Variants in RIMS2 observed in about 807,000 individuals in gnomAD.
The protein encoded by RIMS2 is regulating synaptic membrane exocytosis 2.
A neutral mutation model predicts 174.4 loss-of-function variants in RIMS2; 59 were observed. The ratio of observed to expected loss-of-function variants is 0.34; its 90% CI spans 0.27 to 0.42. The LOEUF is 0.42. Among genes scored for constraint, RIMS2 ranks in the 10% least tolerant of loss-of-function variants. RIMS2 has a pLI of 1.00. For missense variants in RIMS2, 1,620 were observed against 1,666.3 expected, an observed-to-expected ratio of 0.97 and a Z score of 0.48; for synonymous variants, 606 against 572.5, an observed-to-expected ratio of 1.06 and a Z score of -0.84.
At chr8:104,029,253 C>G (rs988967385) in intron 19 of RIMS2, among the ~76,000 whole-genome samples, 10 of 152,152 alleles carry the variant, frequency 6.6e-5, no homozygotes, top group African/African-American at 2.4e-4. Context: ...GTTTTATTAG[C>G]AAGGTCTTCA....
chr8:104,100,997 G>C, intron 19 of RIMS2, among the ~76,000 whole-genome samples: 1 of 126,568 alleles, frequency 7.9e-6, no homozygotes, highest in East Asian at 2.2e-4. Context: ...TATAGTATAT[G>C]TTATATATGA....
chr8:103,788,817 C>G (rs1041695597), intron 3 of RIMS2, among the ~76,000 whole-genome samples: 31 of 152,248 alleles, frequency 2.0e-4, no homozygotes, highest in Non-Finnish European at 4.0e-4. Context: ...AGCTTGCTGG[C>G]TGCTTTGTTT....
intron 14 of RIMS2, among the ~76,000 whole-genome samples, chr8:103,956,663 C>T (rs910973580): frequency 3.9e-5 from 6 of 151,966 alleles, no homozygotes; most frequent in African/African-American, 1.4e-4. Flanking sequence ...ATAAAACCTA[C>T]ACAATACCAT....
intron 19 of RIMS2, among the ~76,000 whole-genome samples, chr8:104,211,140 G>A (rs1338629906): frequency 1.3e-5 from 2 of 152,182 alleles, no homozygotes; most frequent in Non-Finnish European, 2.9e-5. Flanking sequence ...TGGGGAGAAA[G>A]TGTGCAGCAG....
chr8:103,524,239 AGAG>A (rs2130625390), intron 1 of RIMS2, among the ~76,000 whole-genome samples: 1 of 144,492 alleles, frequency 6.9e-6, no homozygotes, highest in Admixed American at 6.8e-5. Context: ...AAGGAGTTGA[AGAG>A]AGAGTATAGA....
At chr8:103,614,306 A>T (rs373514476) in intron 1 of RIMS2, among the ~76,000 whole-genome samples, 1 of 152,232 alleles carries the variant, frequency 6.6e-6, no homozygotes, top group Non-Finnish European at 1.5e-5. Context: ...TTTGCTCTCC[A>T]CTATGATGGG....
chr8:103,652,403 C>T (rs1051360493), intron 1 of RIMS2, among the ~76,000 whole-genome samples, 166 bp downstream of exon 2: 2 of 152,092 alleles, frequency 1.3e-5, no homozygotes, highest in Non-Finnish European at 2.9e-5. Flanking sequence ...CTTACATCAC[C>T]CACATAGTGA....
intron 2 of RIMS2, among the ~76,000 whole-genome samples, chr8:103,761,893 G>T (rs558360424): frequency 4.6e-5 from 7 of 152,080 alleles, no homozygotes; most frequent in Non-Finnish European, 8.8e-5. Flanking sequence ...TCTCGTTAGT[G>T]TAAGTCTTTA....
At chr8:103,875,265 G>T (rs967228793) in intron 3 of RIMS2, among the ~76,000 whole-genome samples, 1 of 151,500 alleles carries the variant, frequency 6.6e-6, no homozygotes, top group African/African-American at 2.4e-5. Context: ...TCTCTCACTC[G>T]CATCTCACTC....
At chr8:104,101,074 T>C (rs2097885375) in intron 19 of RIMS2, among the ~76,000 whole-genome samples, 1 of 143,572 alleles carries the variant, frequency 7.0e-6, no homozygotes, top group South Asian at 2.1e-4. Flanking sequence ...ATGTTATATA[T>C]TATATTATAT....
exon 4 of RIMS2, chr8:103,885,364 A>G (rs535730678): frequency 6.2e-7 from 1 of 1,612,304 alleles, no homozygotes; most frequent in African/African-American, 1.3e-5. Context: ...AAAGAGAGGA[A>G]TATTCACAGT....
intron 3 of RIMS2, among the ~76,000 whole-genome samples, chr8:103,789,438 C>T (rs1436717273): frequency 6.6e-6 from 1 of 152,108 alleles, no homozygotes; most frequent in Non-Finnish European, 1.5e-5. Context: ...AATTAATTTC[C>T]CTTTTGATTA....
intron 19 of RIMS2, among the ~76,000 whole-genome samples, chr8:104,168,707 G>A (rs1263129311): frequency 6.6e-6 from 1 of 152,100 alleles, no homozygotes; most frequent in Non-Finnish European, 1.5e-5. Flanking sequence ...GTGAAAGTGG[G>A]CATCCTTGTC....
chr8:104,166,913 T>A (rs1451862584), intron 19 of RIMS2, among the ~76,000 whole-genome samples: 1 of 152,158 alleles, frequency 6.6e-6, no homozygotes, highest in Non-Finnish European at 1.5e-5. Context: ...TCACTTAGAA[T>A]GATGGCCTCC....
intron 4 of RIMS2, among the ~76,000 whole-genome samples, chr8:103,896,322 C>T (rs1181218536): frequency 6.6e-6 from 1 of 151,706 alleles, no homozygotes; most frequent in African/African-American, 2.4e-5. Context: ...CAGCCATCCT[C>T]ACGCTGATAG....
intron 1 of RIMS2, among the ~76,000 whole-genome samples, chr8:103,534,801 A>G (rs1379839151): frequency 6.6e-6 from 1 of 152,126 alleles, no homozygotes; most frequent in African/African-American, 2.4e-5. Flanking sequence ...TTTTGTAGAA[A>G]TTTGTTTTTT....
At chr8:103,796,562 G>A (rs967847534) in intron 3 of RIMS2, among the ~76,000 whole-genome samples, 1 of 151,660 alleles carries the variant, frequency 6.6e-6, no homozygotes, top group African/African-American at 2.4e-5. Flanking sequence ...CTATAATCTA[G>A]CCTCAGCAGA....
intron 14 of RIMS2, among the ~76,000 whole-genome samples, chr8:103,955,116 C>G (rs2086727628): frequency 6.6e-6 from 1 of 151,892 alleles, no homozygotes; most frequent in Non-Finnish European, 1.5e-5. Context: ...AATAGCCTAC[C>G]CAATCAAAAA....
At chr8:104,162,653 G>A (rs2098770547) in intron 19 of RIMS2, among the ~76,000 whole-genome samples, 3 of 152,092 alleles carry the variant, frequency 2.0e-5, no homozygotes, top group South Asian at 4.1e-4. Context: ...CCTCAGGAAA[G>A]TACTTCTAAT....
Sources: gnomAD v4.1 joint callset for allele counts (sites outside exome capture counted in the v4.1 genomes callset) on GRCh38, gnomAD v4.1.1 for gene constraint, MANE v1.5 for transcripts, NCBI Gene and HGNC (gene_info 2026-07-23, HGNC 2026-07-21) for gene names.